KCND3: variants seen among roughly 807,000 people sequenced by gnomAD.
KCND3 encodes the protein A-type voltage-gated potassium channel KCND3.
A neutral mutation model predicts 51.1 loss-of-function variants in KCND3; 9 were observed. The observed-to-expected ratio is 0.18, with a 90% confidence interval of 0.11 to 0.31. The LOEUF is 0.31. KCND3 is among the 10% of genes least tolerant of loss of function. KCND3 has a pLI of 1.00. For synonymous variants in KCND3, 349 were observed against 368.0 expected, an observed-to-expected ratio of 0.95 and a Z score of 0.59; for missense variants, 526 against 903.8, an observed-to-expected ratio of 0.58 and a Z score of 5.36.
intron 2 of KCND3, among the ~76,000 whole-genome samples, chr1:111,980,532 A>T (rs995323280): frequency 1.3e-5 from 2 of 152,212 alleles, no homozygotes; most frequent in South Asian, 4.2e-4. Flanking sequence ...CACCAACCAC[A>T]CTGTCAAAGA....
At chr1:111,984,391 C>T (rs557327121) in intron 1 of KCND3, among the ~76,000 whole-genome samples, 6 of 152,192 alleles carry the variant, frequency 3.9e-5, no homozygotes, top group Non-Finnish European at 7.3e-5. Context: ...TTCTTCATGA[C>T]GTCCCTAACT....
chr1:111,880,316 G>A (rs1669243893), intron 2 of KCND3, among the ~76,000 whole-genome samples: 1 of 152,164 alleles, frequency 6.6e-6, no homozygotes, highest in South Asian at 2.1e-4. Context: ...ACAAAGCCCT[G>A]TCTACTCTCA....
intron 2 of KCND3, among the ~76,000 whole-genome samples, chr1:111,790,643 G>A (rs532028533): frequency 6.6e-5 from 10 of 152,282 alleles, no homozygotes; most frequent in African/African-American, 2.2e-4. Context: ...TGTATTTAGA[G>A]AGTTGCGCTC....
intron 2 of KCND3, among the ~76,000 whole-genome samples, chr1:111,814,090 C>T (rs963613193): frequency 9.2e-5 from 14 of 152,194 alleles, no homozygotes; most frequent in South Asian, 8.3e-4. Context: ...ATATAAATAA[C>T]GGAAATGGTC....
At chr1:111,776,360 C>A in intron 7 of KCND3, 82 bp from the exon 8 acceptor site, 3 of 1,291,062 alleles carry the variant, frequency 2.3e-6, no homozygotes, top group South Asian at 2.5e-5. Context: ...ATTTCTTGCT[C>A]GTGGTAACTA....
chr1:111,924,353 G>A (rs1382783455), intron 2 of KCND3, among the ~76,000 whole-genome samples: 1 of 152,224 alleles, frequency 6.6e-6, no homozygotes, highest in East Asian at 1.9e-4. Flanking sequence ...AGGGACCACA[G>A]GAGATTCTGG....
chr1:111,848,769 G>A (rs777386155), intron 2 of KCND3, among the ~76,000 whole-genome samples: 3 of 152,218 alleles, frequency 2.0e-5, no homozygotes. Flanking sequence ...GTAGGATGTG[G>A]ATAGTAAGAC....
At chr1:111,817,199 A>AAG (rs397949207) in intron 2 of KCND3, among the ~76,000 whole-genome samples, 2,403 of 151,702 alleles carry the variant, frequency 0.016, 59 homozygotes, top group African/African-American at 0.054. Context: ...AAAAAAAAAA[A>AAG]TGAAGTGGGG....
chr1:111,846,696 A>T (rs1409159358), intron 2 of KCND3, among the ~76,000 whole-genome samples: 1 of 152,224 alleles, frequency 6.6e-6, no homozygotes, highest in Non-Finnish European at 1.5e-5. Context: ...AGCATTCACA[A>T]TGACCTTTTA....
At chr1:111,954,261 C>T (rs1229159812) in intron 2 of KCND3, among the ~76,000 whole-genome samples, 1 of 152,198 alleles carries the variant, frequency 6.6e-6, no homozygotes, top group Non-Finnish European at 1.5e-5. Context: ...TGTGAGCCAT[C>T]TGCTTCCTGT....
At chr1:111,813,254 A>G (rs1665938078) in intron 2 of KCND3, among the ~76,000 whole-genome samples, 1 of 152,188 alleles carries the variant, frequency 6.6e-6, no homozygotes, top group Admixed American at 6.5e-5. Context: ...ATCAGAAGCC[A>G]GCAATTTCTG....
chr1:111,809,653 G>A (rs1329490103), intron 2 of KCND3, among the ~76,000 whole-genome samples: 3 of 124,190 alleles, frequency 2.4e-5, no homozygotes, highest in African/African-American at 1.1e-4. Flanking sequence ...CATTTCCCGT[G>A]TGTGTGTGTG....
chr1:111,879,324 G>A (rs1669198527), intron 2 of KCND3, among the ~76,000 whole-genome samples: 1 of 152,166 alleles, frequency 6.6e-6, no homozygotes, highest in Admixed American at 6.5e-5. Flanking sequence ...GGTAGGTTGG[G>A]TTTTTGCATG....
chr1:111,849,926 G>T (rs1399501096), intron 2 of KCND3, among the ~76,000 whole-genome samples: 1 of 152,018 alleles, frequency 6.6e-6, no homozygotes, highest in African/African-American at 2.4e-5. Context: ...CTGGATCTGA[G>T]ACCCAGCCTC....
At chr1:111,835,261 G>A (rs1667019796) in intron 2 of KCND3, among the ~76,000 whole-genome samples, 1 of 152,202 alleles carries the variant, frequency 6.6e-6, no homozygotes, top group Non-Finnish European at 1.5e-5. Flanking sequence ...CGGTTGGAGG[G>A]CAGGGAGAGG....
chr1:111,792,806 C>T (rs1664893406), intron 2 of KCND3, among the ~76,000 whole-genome samples: 1 of 151,588 alleles, frequency 6.6e-6, no homozygotes, highest in South Asian at 2.1e-4. Flanking sequence ...AGGGTCCAGA[C>T]CACCATACTT....
intron 2 of KCND3, among the ~76,000 whole-genome samples, chr1:111,884,161 G>A (rs1212794729): frequency 1.3e-5 from 2 of 152,188 alleles, no homozygotes; most frequent in Middle Eastern, 3.2e-3. Flanking sequence ...GGACTGGTCG[G>A]CCACTATAGT....
chr1:111,970,079 C>T (rs1002513985), intron 2 of KCND3, among the ~76,000 whole-genome samples: 2 of 151,780 alleles, frequency 1.3e-5, no homozygotes, highest in African/African-American at 2.4e-5. Flanking sequence ...TGCAATGGCG[C>T]GATCTCAGCT....
Position 111,902,945 on chromosome 1 carries a change from G to A in KCND3, c.1106+78676C>T, listed in dbSNP as rs879910843. On this transcript the variant is annotated intron_variant, in intron 2 of 7. Transcript: ENST00000302127. ...GCTCAATATATATTTTTAAAGATCC[G>A]TATTTACATATATACAGACATGTGG... Among the ~76,000 whole-genome samples the A allele has an allele frequency of 4.3e-4, 66 of 152,244 alleles. 1 individual carries two copies. The highest frequency in any genetic ancestry group is 8.5e-4 in the Admixed American group (13 of 15,298).
Sources: allele counts gnomAD v4.1 joint callset (sites outside exome capture counted in the v4.1 genomes callset), GRCh38; gene constraint gnomAD v4.1.1; transcripts MANE v1.5; gene names NCBI Gene and HGNC (gene_info 2026-07-23, HGNC 2026-07-21).